The following TRA2A variants were observed in gnomAD, a reference collection of about 807,000 sequenced individuals.
TRA2A encodes the protein transformer 2 alpha homolog.
TRA2A carries 31 observed loss-of-function variants against 45.7 expected under a neutral mutation model. The observed-to-expected ratio is 0.68, with a 90% CI of 0.51 to 0.92. The LOEUF is 0.92. TRA2A is among the 40% of genes least tolerant of loss of function. The pLI, the probability that TRA2A is intolerant of heterozygous loss-of-function variation, is 0.00. For synonymous variants in TRA2A, 132 were observed against 126.2 expected (o/e 1.05, Z -0.31); for missense variants, 304 against 367.5 (o/e 0.83, Z 1.41).
At chr7:23,527,854 CAG>C (rs2128000767) in intron 1 of TRA2A, among the ~76,000 whole-genome samples, 1 of 152,204 alleles carries the variant, frequency 6.6e-6, no homozygotes, top group African/African-American at 2.4e-5. Flanking sequence ...TTATATTGAG[CAG>C]ATCAACATCC....
At chr7:23,514,917 T>C (rs970337422) in intron 3 of TRA2A, among the ~76,000 whole-genome samples, 2 of 152,216 alleles carry the variant, frequency 1.3e-5, no homozygotes, top group Non-Finnish European at 2.9e-5. Context: ...GCAAACATGT[T>C]CTAAGAACTT....
At chr7:23,523,127 C>T (rs1790202722) in intron 1 of TRA2A, among the ~76,000 whole-genome samples, 1 of 151,982 alleles carries the variant, frequency 6.6e-6, no homozygotes, top group Non-Finnish European at 1.5e-5. Flanking sequence ...CTCTATTATC[C>T]ACGACATACC....
chr7:23,514,449 T>G (rs1386451708), intron 3 of TRA2A, among the ~76,000 whole-genome samples: 1 of 152,120 alleles, frequency 6.6e-6, no homozygotes, highest in Non-Finnish European at 1.5e-5. Context: ...TTTATAAGAG[T>G]GAAACTCCGT....
chr7:23,511,810 T>C (rs959244459), intron 4 of TRA2A, among the ~76,000 whole-genome samples: 2 of 152,216 alleles, frequency 1.3e-5, no homozygotes, highest in African/African-American at 4.8e-5. Context: ...ATTAGTTCAT[T>C]GTGTTAGGCA....
chr7:23,516,451 C>T lies in TRA2A; in HGVS notation c.248G>A (p.Arg83Gln), dbSNP rs777658781. 23 of 1,614,076 alleles carry T rather than the reference C, an allele frequency of 1.4e-5. No homozygotes were observed. The highest frequency in any genetic ancestry group is 1.7e-5 in the Non-Finnish European group (20 of 1,180,000). ...SHSHSHRRRS[R>Q]SRSYTPEYRR... ...GTATTCTGGTGTATATGATCTACTT[C>T]GAGATCGTCTCCTATGAGAGTGAGA... The change falls in exon 3 of 8, where the codon CGA becomes CAA. Residue 83 changes from arginine to glutamine, a missense_variant. By Grantham distance (43) the Arg-to-Gln change is conservative. This residue lies in a region of TRA2A where 132 missense variants were observed against 113.4 expected (regional missense o/e 1.16). Transcript: ENST00000297071.
At chr7:23,508,452 G>T (rs1186720592) in intron 4 of TRA2A, among the ~76,000 whole-genome samples, 2 of 151,866 alleles carry the variant, frequency 1.3e-5, no homozygotes, top group African/African-American at 4.8e-5. Context: ...AAAAATTCTT[G>T]GTAGAGAAGG....
intron 1 of TRA2A, among the ~76,000 whole-genome samples, chr7:23,530,274 T>A (rs1368556444): frequency 6.6e-6 from 1 of 152,220 alleles, no homozygotes; most frequent in East Asian, 1.9e-4. Context: ...TTTGTTTCCA[T>A]GCTCCAAACT....
chr7:23,525,815 C>T (rs1790317121), intron 1 of TRA2A, among the ~76,000 whole-genome samples: 1 of 152,094 alleles, frequency 6.6e-6, no homozygotes, highest in Admixed American at 6.5e-5. Context: ...AGGCTGGCCT[C>T]GAACTCCTGA....
chr7:23,506,906 G>C (rs912121868), intron 5 of TRA2A, among the ~76,000 whole-genome samples: 1 of 152,130 alleles, frequency 6.6e-6, no homozygotes, highest in African/African-American at 2.4e-5. Context: ...CTCCTGAGTA[G>C]CTGGGACTAC....
intron 1 of TRA2A, among the ~76,000 whole-genome samples, chr7:23,527,955 G>C (rs1394674665): frequency 6.6e-6 from 1 of 151,948 alleles, no homozygotes; most frequent in African/African-American, 2.4e-5. Flanking sequence ...GGGGAGAGGA[G>C]AACAACTGAA....
intron 3 of TRA2A, among the ~76,000 whole-genome samples, chr7:23,513,412 G>A (rs560623900): frequency 3.1e-4 from 47 of 152,294 alleles, no homozygotes; most frequent in Non-Finnish European, 5.3e-4. Flanking sequence ...GAGGTTAGGA[G>A]TTCGAGACCA....
chr7:23,529,545 G>C (rs1383581780), intron 1 of TRA2A, among the ~76,000 whole-genome samples: 1 of 152,180 alleles, frequency 6.6e-6, no homozygotes, highest in African/African-American at 2.4e-5. Flanking sequence ...ACAGGCGTGA[G>C]CCACTGCGCC....
chr7:23,511,411 G>GAAAAAAAAAA (rs1554345693), intron 4 of TRA2A, among the ~76,000 whole-genome samples: 1 of 38,550 alleles, frequency 2.6e-5, no homozygotes, highest in Non-Finnish European at 4.7e-5. Flanking sequence ...AAAAAAAAAA[G>GAAAAAAAAAA]AAAAGAAAAG....
At chr7:23,522,556 T>TA (rs35027244) in intron 1 of TRA2A, 2,426 of 134,442 alleles carry the variant, frequency 0.018, 23 homozygotes, top group Middle Eastern at 0.049. Context: ...CTAGTTTATT[T>TA]AAAAAAAAAA....
At chr7:23,518,186 C>G (rs1789973422) in intron 2 of TRA2A, among the ~76,000 whole-genome samples, 1 of 152,058 alleles carries the variant, frequency 6.6e-6, no homozygotes, top group African/African-American at 2.4e-5. Context: ...ATTTGCCCAC[C>G]TCGACCTCCC....
chr7:23,520,321 T>C (rs1271512360), intron 2 of TRA2A, among the ~76,000 whole-genome samples: 1 of 152,238 alleles, frequency 6.6e-6, no homozygotes, highest in African/African-American at 2.4e-5. Flanking sequence ...AATGGATATG[T>C]GAATAACAAT....
At position 23,529,487 on chromosome 7, in the gene TRA2A, T is replaced by C. The variant is rs1004243083; in HGVS notation, c.36+2302A>G. Among the ~76,000 whole-genome samples the C allele has an allele frequency of 3.3e-5, 5 of 152,094 alleles. No homozygotes were observed. The East Asian group carries it at 5.8e-4, about 18-fold the overall frequency. On this transcript the variant is annotated intron_variant, in intron 1 of 7. Coordinates refer to ENST00000297071, the MANE Select transcript of TRA2A (RefSeq NM_013293.5). ...GTTGGGCAGGCTAGTCTCGAACTCC[T>C]AACCTCAAGTAATCCACCCGCCTCA...
At chr7:23,514,752 T>C (rs922952522) in intron 3 of TRA2A, among the ~76,000 whole-genome samples, 1 of 152,202 alleles carries the variant, frequency 6.6e-6, no homozygotes, top group African/African-American at 2.4e-5. Context: ...TGAGCCAATA[T>C]GCCTGGCCCA....
At position 23,517,503 on chromosome 7, in the gene TRA2A, A is replaced by AAAAAAAG. The variant is rs764849438; in HGVS notation, c.171-976_171-975insCTTTTTT. On this transcript the variant is annotated intron_variant, in intron 2 of 7. Transcript: ENST00000297071. ...AAAAAAAAAAAAAAAAAAAAAAAAA[A>AAAAAAAG]AGAGAGAAAGAAAGAAAAATCACTT... Among the ~76,000 whole-genome samples, 111 of 116,226 alleles carry AAAAAAAG rather than the reference A, an allele frequency of 9.6e-4. 8 individuals are homozygous for AAAAAAAG. Among genetic ancestry groups the AAAAAAAG allele is most frequent in the Non-Finnish European group, 1.2e-3 (69 of 56,004 alleles). 76.2% of individuals were successfully genotyped at this position (116,226 alleles called of 152,430 possible).
Sources: gnomAD v4.1 joint callset for allele counts (sites outside exome capture counted in the v4.1 genomes callset) on GRCh38, gnomAD v4.1.1 for gene constraint, gnomAD v4.1.1 regional missense constraint, MANE v1.5 for transcripts, NCBI Gene and HGNC (gene_info 2026-07-23, HGNC 2026-07-21) for gene names.